Variants in SPTBN5 observed in about 807,000 individuals in gnomAD.
SPTBN5 encodes spectrin beta chain, non-erythrocytic 5.
In SPTBN5, 513 loss-of-function variants were observed where a neutral mutation model predicts 477.6. That is an observed-to-expected ratio of 1.07 (90% CI 1.00 to 1.16). The LOEUF is 1.16. Among genes scored for constraint, SPTBN5 ranks in the 50% most tolerant of loss-of-function variants. The pLI is 0.00. For synonymous variants in SPTBN5, 2,169 were observed against 2,011.7 expected (o/e 1.08, Z -2.09); for missense variants, 5,062 against 4,731.8 (o/e 1.07, Z -2.05).
intron 66 of SPTBN5, chr15:41,850,259 GAC>G (rs993030764): frequency 2.2e-5 from 9 of 405,106 alleles, no homozygotes; most frequent in African/African-American, 1.8e-4. Context: ...CTCCTGGGAA[GAC>G]AGACTCTTGG....
chr15:41,884,256 G>A (rs1249500095), intron 7 of SPTBN5, among the ~76,000 whole-genome samples: 3 of 152,174 alleles, frequency 2.0e-5, no homozygotes, highest in Non-Finnish European at 4.4e-5. Flanking sequence ...AAAGTGCTGG[G>A]ATTACAGGCA....
chr15:41,856,433 G>GC lies in SPTBN5; in HGVS notation c.8973dup (p.Arg2992AlafsTer16). ...TCCTGAGCCTGCTGCAGCAGAAGCCGCCTCCGCGCCGCCTCTGCCCGCAGG... is the reference window on the plus strand; with the variant it reads ...TCCTGAGCCTGCTGCAGCAGAAGCCGCCCTCCGCGCCGCCTCTGCCCGCAGG... On this transcript the variant is annotated frameshift_variant, in exon 53 of 68. Transcript: ENST00000320955. LOFTEE classifies it high-confidence loss of function. 1 of 1,593,108 alleles carries GC rather than the reference G, an allele frequency of 6.3e-7. No individual in the cohort carries two copies. The highest frequency in any genetic ancestry group is 8.6e-7 in the Non-Finnish European group (1 of 1,169,198).
In SPTBN5 at chr15:41,852,694, C is replaced by A; in HGVS notation, c.10389G>T (p.Gln3463His). Reference sequence around the variant, plus strand: ...GGGCTGCCAGCAGCTTTTCTAAGTCCTGGTGTCTGTGCAGCAGCAACTCCA... The same window carrying A: ...GGGCTGCCAGCAGCTTTTCTAAGTCATGGTGTCTGTGCAGCAGCAACTCCA... ...SDVELLLHRH[Q>H]DLEKLLAAQE... The change falls in exon 61 of 68, where the codon CAG (glutamine) becomes CAT (histidine). Residue 3463 changes from glutamine to histidine, a missense_variant. Gln to His is a conservative substitution (Grantham distance 24). Coordinates refer to ENST00000320955, the MANE Select transcript of SPTBN5 (RefSeq NM_016642.4). 1 of 1,613,132 alleles carries A rather than the reference C, an allele frequency of 6.2e-7. No individual in the cohort carries two copies. Among genetic ancestry groups the A allele is most frequent in the South Asian group, 1.1e-5 (1 of 91,074 alleles).
intron 46 of SPTBN5, 52 bp downstream of exon 46, chr15:41,861,366 CT>C (rs2066101230): frequency 1.3e-6 from 2 of 1,524,634 alleles, no homozygotes; most frequent in Admixed American, 3.3e-5. Context: ...GGTTTGACCC[CT>C]AATGCTGCTC....
Position 41,858,928 on chromosome 15 carries a change from G to C in SPTBN5, c.8041C>G (p.Leu2681Val), listed in dbSNP as rs61753581. 36 of 1,594,994 alleles carry C rather than the reference G, an allele frequency of 2.3e-5. No individual in the cohort carries two copies. The highest frequency in any genetic ancestry group is 3.1e-5 in the Non-Finnish European group (36 of 1,168,944). The change falls in exon 48 of 68, where the codon CTC (leucine) becomes GTC (valine). Residue 2681 changes from leucine (L) to valine (V), a missense_variant. Coordinates refer to ENST00000320955, the MANE Select transcript of SPTBN5 (RefSeq NM_016642.4). ...TGCAGGAAGGCCTGCAGCTGCCGGA[G>C]CTCCTCCAGGCGATGGCGGCGGGTC... is the stretch of plus-strand genomic sequence containing the variant. ...AGTRRHRLEE[L>V]RQLQAFLQDS... is the part of the protein sequence containing the mutation.
At chr15:41,863,244 C>T (rs944330871) in intron 41 of SPTBN5, among the ~76,000 whole-genome samples, 1 of 152,258 alleles carries the variant, frequency 6.6e-6, no homozygotes, top group African/African-American at 2.4e-5. Context: ...GCGGAGGAAA[C>T]AGCCAGGCAT....
intron 23 of SPTBN5, 24 bp from the exon 24 acceptor site, chr15:41,874,502 G>A (rs1353006013): frequency 6.4e-7 from 1 of 1,574,312 alleles, no homozygotes; most frequent in East Asian, 2.3e-5. Context: ...GAAGAGATTG[G>A]AGAGGTTGGG....
intron 3 of SPTBN5, among the ~76,000 whole-genome samples, chr15:41,892,593 C>T (rs192359200): frequency 1.3e-5 from 2 of 152,358 alleles, no homozygotes; most frequent in Admixed American, 6.5e-5. Context: ...CCTAAGAGAA[C>T]GCTAAGATTC....
chr15:41,887,959 G>C lies in SPTBN5; in HGVS notation c.628C>G (p.Leu210Val). Residue 210 changes from leucine to valine, a missense_variant, in exon 5 of 68, where the codon CTG becomes GTG. Leu to Val is a conservative substitution (Grantham distance 32). Coordinates refer to ENST00000320955, the MANE Select transcript of SPTBN5 (RefSeq NM_016642.4). ...GCATGGATGAGGGCATTGAAGCCCA[G>C]CCCATCGCTCCAGCTTCGGGAGAAA... ...TDFSRSWSDG[L>V]GFNALIHAHR... 1 of 1,609,614 alleles carries C rather than the reference G, an allele frequency of 6.2e-7. No homozygotes were observed. Among genetic ancestry groups the C allele is most frequent in the East Asian group, 2.2e-5 (1 of 44,784 alleles).
At position 41,862,651 on chromosome 15, in the gene SPTBN5, G is replaced by T; in HGVS notation, c.7273C>A (p.Arg2425Ser). ...PIQAQVESLE[R>S]EVGRLCQRSP... Reference sequence around the variant, plus strand: ...CTTTGGCAGAGGCGGCCCACTTCACGCTCTAGGGACTGCGGGGGAAGCCGG... The same window carrying T: ...CTTTGGCAGAGGCGGCCCACTTCACTCTCTAGGGACTGCGGGGGAAGCCGG... The change falls in exon 43 of 68, where the codon CGT becomes AGT. Residue 2425 changes from arginine to serine, a missense_variant. Physicochemically the swap from Arg to Ser is moderately radical, Grantham distance 110 (BLOSUM62 -1). Transcript: ENST00000320955. 1.3e-6 allele frequency: 2 copies of T among 1,553,464 alleles called. No homozygotes were observed. The highest frequency in any genetic ancestry group is 1.9e-5 in the Admixed American group (1 of 52,234).
Position 41,883,089 on chromosome 15 carries a change from T to A in SPTBN5, c.1799A>T (p.Asp600Val). 1.2e-6 allele frequency: 2 copies of A among 1,602,978 alleles called. No individual in the cohort carries two copies. Among genetic ancestry groups the A allele is most frequent in the Non-Finnish European group, 1.7e-6 (2 of 1,175,386 alleles). The change falls in exon 9 of 68, where the codon GAC (aspartate) becomes GTC (valine). Residue 600 changes from aspartate (D) to valine (V), a missense_variant. Transcript: ENST00000320955. Reference sequence around the variant, plus strand: ...CTCCACACTGGTGCCCAGGGAGGAGTCCAGCTCTGCTGTCTGCTGAGCAAG... The same window carrying A: ...CTCCACACTGGTGCCCAGGGAGGAGACCAGCTCTGCTGTCTGCTGAGCAAG... ...SHLAQQTAEL[D>V]SSLGTSVEVL...
At chr15:41,858,463 C>A in intron 49 of SPTBN5, 139 bp downstream of exon 49, 1 of 1,123,158 alleles carries the variant, frequency 8.9e-7, no homozygotes, top group Non-Finnish European at 1.2e-6. Context: ...CCTAAACAAC[C>A]GCTTAGCCAG....
chr15:41,881,807 C>T, intron 12 of SPTBN5, 129 bp downstream of exon 12: 4 of 851,314 alleles, frequency 4.7e-6, no homozygotes, highest in Non-Finnish European at 6.8e-6. Context: ...GTGAGGGACA[C>T]CTACACCCAC....
In SPTBN5 at chr15:41,876,252, C is replaced by A. The variant is rs1262732500; in HGVS notation, c.3984G>T (p.Gln1328His). Reference protein sequence around the residue: ...EWKQDVAELMQWMEEKGLMAA... With the variant: ...EWKQDVAELMHWMEEKGLMAA... The stretch of plus-strand genomic sequence containing the variant: ...CCATCAGCCCCTTCTCTTCCATCCA[C>A]TGCATCAGCTCTGCCACATCCTGCT... The change falls in exon 21 of 68, where the codon CAG becomes CAT. Residue 1328 changes from glutamine to histidine, a missense_variant. Coordinates refer to ENST00000320955, the MANE Select transcript of SPTBN5 (RefSeq NM_016642.4). 1.9e-6 allele frequency: 3 copies of A among 1,592,048 alleles called. No individual in the cohort carries two copies. Among genetic ancestry groups the A allele is most frequent in the Non-Finnish European group, 2.6e-6 (3 of 1,171,216 alleles).
rs1329026402 is a variant in SPTBN5 at position 41,858,994 on chromosome 15, A to G, written c.7989-14T>C. 1 of 1,528,252 alleles carries G rather than the reference A, an allele frequency of 6.5e-7. No homozygotes were observed. 94.7% of individuals were successfully genotyped at this position (1,528,252 alleles called of 1,614,324 possible). On this transcript the variant is annotated splice_polypyrimidine_tract_variant and intron_variant, in intron 47 of 67. Transcript: ENST00000320955. The stretch of plus-strand genomic sequence containing the variant: ...AGCGCCTCCTTCCTGCCAGGAGGAG[A>G]GGCTCATGGGCCTGGAGCCACCCCC...
chr15:41,869,766 C>T, intron 32 of SPTBN5, 75 bp downstream of exon 32: 1 of 1,359,438 alleles, frequency 7.4e-7, no homozygotes, highest in South Asian at 1.7e-5. Flanking sequence ...TGGAGGGCCT[C>T]ATGCGTGCAT....
chr15:41,853,068 G>C (rs1173214296), intron 59 of SPTBN5, 68 bp from the exon 60 acceptor site: 1 of 1,454,210 alleles, frequency 6.9e-7, no homozygotes, highest in South Asian at 1.4e-5. Flanking sequence ...GGCAGGGCTG[G>C]AGAGCCAAGT....
At chr15:41,852,410 G>C in intron 61 of SPTBN5, 94 bp from the exon 62 acceptor site, 1 of 1,457,434 alleles carries the variant, frequency 6.9e-7, no homozygotes. Flanking sequence ...CAGCCCTCCC[G>C]GTCAGAGGGG....
Position 41,874,976 on chromosome 15 carries a change from C to A in SPTBN5, c.4368G>T (p.Arg1456Ser), listed in dbSNP as rs2066674636. 1 of 1,613,750 alleles carries A rather than the reference C, an allele frequency of 6.2e-7. No individual in the cohort carries two copies. Among genetic ancestry groups the A allele is most frequent in the Non-Finnish European group, 8.5e-7 (1 of 1,179,886 alleles). ...ETGQDLRSSQ[R>S]LQKRHQQLES... Reference sequence around the variant, plus strand: ...CCAGCTGTTGGTGCCGTTTCTGCAGCCTCTGGCTGGAGCGCAGGTCCTGCC... The same window carrying A: ...CCAGCTGTTGGTGCCGTTTCTGCAGACTCTGGCTGGAGCGCAGGTCCTGCC... Residue 1456 changes from arginine to serine, a missense_variant, in exon 23 of 68, where the codon AGG becomes AGT. Physicochemically the swap from Arg to Ser is moderately radical, Grantham distance 110. Coordinates refer to ENST00000320955, the MANE Select transcript of SPTBN5 (RefSeq NM_016642.4).
Sources: gnomAD v4.1 joint callset for allele counts (sites outside exome capture counted in the v4.1 genomes callset) on GRCh38, gnomAD v4.1.1 for gene constraint, MANE v1.5 for transcripts, NCBI Gene and HGNC (gene_info 2026-07-23, HGNC 2026-07-21) for gene names.